Variants in FIG4 observed in about 807,000 individuals in gnomAD.
FIG4 encodes polyphosphoinositide phosphatase.
A neutral mutation model predicts 118.6 loss-of-function variants in FIG4; 112 were observed. The ratio of observed to expected loss-of-function variants is 0.94; its 90% confidence interval spans 0.81 to 1.11. FIG4 has a LOEUF of 1.11. Among genes scored for constraint, FIG4 ranks in the 50% least tolerant of loss-of-function variants. FIG4 has a pLI of 0.00. For synonymous variants in FIG4, 369 were observed against 381.2 expected, an observed-to-expected ratio of 0.97 and a Z score of 0.37; for missense variants, 969 against 1,111.7, an observed-to-expected ratio of 0.87 and a Z score of 1.83.
At chr6:109,693,182 T>C (rs945724248) in intron 1 of FIG4, among the ~76,000 whole-genome samples, 1 of 152,212 alleles carries the variant, frequency 6.6e-6, no homozygotes, top group Non-Finnish European at 1.5e-5. Context: ...CCTCAACTTG[T>C]CTATCTAGTT....
intron 22 of FIG4, among the ~76,000 whole-genome samples, chr6:109,821,603 G>A (rs1314985478): frequency 6.6e-6 from 1 of 152,162 alleles, no homozygotes; most frequent in Admixed American, 6.5e-5. Flanking sequence ...GTCCCAATGG[G>A]TTACTGGATC....
intron 3 of FIG4, 33 bp from the exon 4 acceptor site, chr6:109,727,075 TA>T: frequency 6.5e-7 from 1 of 1,544,896 alleles, no homozygotes; most frequent in Non-Finnish European, 8.9e-7. Flanking sequence ...ACTAAGTTTA[TA>T]AAGCATATTT....
intron 22 of FIG4, among the ~76,000 whole-genome samples, chr6:109,813,601 T>C (rs1778779658): frequency 6.6e-6 from 1 of 152,224 alleles, no homozygotes; most frequent in African/African-American, 2.4e-5. Context: ...CTTCAGCTTA[T>C]GAATCAGGGG....
chr6:109,759,820 T>G (rs544581098), intron 10 of FIG4, among the ~76,000 whole-genome samples: 1 of 152,380 alleles, frequency 6.6e-6, no homozygotes, highest in South Asian at 2.1e-4. Flanking sequence ...GCTGAGAAGC[T>G]GCTTTCTGCT....
intron 1 of FIG4, among the ~76,000 whole-genome samples, chr6:109,697,960 C>T (rs1774782360): frequency 6.6e-6 from 1 of 151,456 alleles, no homozygotes; most frequent in Admixed American, 6.6e-5. Context: ...ACGATCTCGG[C>T]TCACTGCAAC....
intron 10 of FIG4, among the ~76,000 whole-genome samples, chr6:109,749,653 G>A (rs1478173738): frequency 7.3e-6 from 1 of 136,598 alleles, no homozygotes; most frequent in Non-Finnish European, 1.6e-5. Flanking sequence ...TTCGTATAGT[G>A]TGGTTGAAAA....
At chr6:109,726,576 G>C (rs534575292) in intron 3 of FIG4, among the ~76,000 whole-genome samples, 1 of 152,038 alleles carries the variant, frequency 6.6e-6, no homozygotes, top group South Asian at 2.1e-4. Flanking sequence ...TTGTCTTGGT[G>C]TCTTGGCTAT....
chr6:109,791,388 T>C lies in FIG4; in HGVS notation c.2193T>C (p.Asn731=). 4 of 1,612,788 alleles carry C rather than the reference T, an allele frequency of 2.5e-6. No homozygotes were observed. The highest frequency in any genetic ancestry group is 3.4e-6 in the Non-Finnish European group (4 of 1,179,876). ...ATTCTTTTAAAAGAAACAAAAGCAA[T>C]AGAGAAGAAGCTGTATTACAGCGGA... is the stretch of plus-strand genomic sequence containing the variant. ...TGKSVLGNKS[N]REEAVLQRKT... Residue 731 remains asparagine (N), a synonymous_variant, in exon 20 of 23, where the codon AAT becomes AAC. Transcript: ENST00000230124.
chr6:109,789,733 G>T, intron 19 of FIG4, 56 bp downstream of exon 19: 2 of 1,241,444 alleles, frequency 1.6e-6, no homozygotes, highest in South Asian at 2.4e-5. Context: ...AATAGTACTT[G>T]CAATATGATT....
intron 5 of FIG4, among the ~76,000 whole-genome samples, chr6:109,734,600 A>C (rs1200823226): frequency 6.6e-6 from 1 of 151,974 alleles, no homozygotes; most frequent in Non-Finnish European, 1.5e-5. Context: ...TAATTTGCAC[A>C]GAGACGGTTA....
chr6:109,704,104 C>G (rs1774984416), intron 1 of FIG4, among the ~76,000 whole-genome samples: 1 of 152,188 alleles, frequency 6.6e-6, no homozygotes, highest in Non-Finnish European at 1.5e-5. Context: ...CTCTTGGTTT[C>G]CCTTCAAACC....
At chr6:109,793,634 A>T (rs1005812972) in intron 21 of FIG4, among the ~76,000 whole-genome samples, 1 of 152,210 alleles carries the variant, frequency 6.6e-6, no homozygotes, top group African/African-American at 2.4e-5. Flanking sequence ...AAATTTGTAA[A>T]TGTGTCTGTA....
chr6:109,817,051 G>T (rs1252045567), intron 22 of FIG4, among the ~76,000 whole-genome samples: 1 of 152,242 alleles, frequency 6.6e-6, no homozygotes, highest in East Asian at 1.9e-4. Context: ...GACCAGTTGT[G>T]CAGAGGAAGC....
intron 1 of FIG4, among the ~76,000 whole-genome samples, chr6:109,698,769 C>A (rs141927513): frequency 1.1e-4 from 16 of 151,938 alleles, no homozygotes; most frequent in Admixed American, 9.2e-4. Context: ...TCTTTATTTG[C>A]GTATTATGGC....
intron 3 of FIG4, 33 bp downstream of exon 3, chr6:109,716,601 TG>T: frequency 6.2e-7 from 1 of 1,612,220 alleles, no homozygotes; most frequent in Non-Finnish European, 8.5e-7. Context: ...TACAATCTCT[TG>T]TTTTTTGTTT....
At chr6:109,775,495 A>C (rs1322909471) in intron 15 of FIG4, among the ~76,000 whole-genome samples, 3 of 152,210 alleles carry the variant, frequency 2.0e-5, no homozygotes, top group Non-Finnish European at 2.9e-5. Context: ...GAAAAGTGCA[A>C]AGCTTCTCTA....
At chr6:109,792,311 T>A (rs182915688) in intron 20 of FIG4, among the ~76,000 whole-genome samples, 40 of 152,356 alleles carry the variant, frequency 2.6e-4, no homozygotes, top group African/African-American at 9.1e-4. Flanking sequence ...ATCTGGCCTT[T>A]TACAGGATAA....
chr6:109,779,304 T>C (rs1013701130), intron 16 of FIG4, among the ~76,000 whole-genome samples: 8 of 152,200 alleles, frequency 5.3e-5, no homozygotes, highest in Non-Finnish European at 1.0e-4. Context: ...AAATTAGCTA[T>C]GTATTAAAAG....
In FIG4 at chr6:109,796,810, C is replaced by T. The variant is rs1778300750; in HGVS notation, c.2505C>T (p.Ser835=). ...GTCAACATAAACAAGACAAGAATAG[C>T]CAGCAGCCCTGTTCTAGGTGCTCAG... The part of the protein sequence containing the change: ...GQSQHKQDKN[S]QQPCSRCSDG... The change falls in exon 22 of 23, where the codon AGC becomes AGT. Residue 835 remains serine (S), a synonymous_variant. Coordinates refer to ENST00000230124, the MANE Select transcript of FIG4 (RefSeq NM_014845.6). 1.2e-6 allele frequency: 2 copies of T among 1,611,348 alleles called. No individual in the cohort carries two copies. Among genetic ancestry groups the T allele is most frequent in the South Asian group, 1.1e-5 (1 of 91,036 alleles).
Sources: allele counts gnomAD v4.1 joint callset (sites outside exome capture counted in the v4.1 genomes callset), GRCh38; gene constraint gnomAD v4.1.1; transcripts MANE v1.5; gene names NCBI Gene and HGNC (gene_info 2026-07-23, HGNC 2026-07-21).